LRRK1: variants seen among roughly 807,000 people sequenced by gnomAD.
LRRK1 encodes leucine-rich repeat serine/threonine-protein kinase 1.
LRRK1 carries 113 observed loss-of-function variants against 209.1 expected under a neutral mutation model. That is an observed-to-expected ratio of 0.54 (90% CI 0.46 to 0.63). The LOEUF (loss-of-function observed/expected upper bound fraction) is 0.63, where lower values mean the gene tolerates loss of function less well. Ranked by LOEUF, LRRK1 falls within the 30% of genes least tolerant of loss-of-function variation. LRRK1 has a pLI of 0.00. For missense variants in LRRK1, 2,284 were observed against 2,632.2 expected (o/e 0.87, Z 2.89); for synonymous variants, 1,144 against 1,099.7 (o/e 1.04, Z -0.80).
intron 23 of LRRK1, chr15:101,050,736 C>T: frequency 6.6e-6 from 1 of 152,514 alleles, no homozygotes; most frequent in Non-Finnish European, 1.5e-5. Context: ...GGTCTGGTCT[C>T]TGTCAGGGTT....
intron 2 of LRRK1, among the ~76,000 whole-genome samples, chr15:100,935,592 G>C (rs972423984): frequency 6.6e-6 from 1 of 152,214 alleles, no homozygotes; most frequent in Non-Finnish European, 1.5e-5. Context: ...TATTGCCAGA[G>C]CCCTGGAGAG....
chr15:101,018,699 G>T (rs1233897628), intron 12 of LRRK1, among the ~76,000 whole-genome samples: 1 of 152,220 alleles, frequency 6.6e-6, no homozygotes, highest in African/African-American at 2.4e-5. Flanking sequence ...AAGTACATCT[G>T]GGGAGCCATG....
At chr15:101,015,626 G>C (rs148956827) in intron 12 of LRRK1, among the ~76,000 whole-genome samples, 2 of 152,314 alleles carry the variant, frequency 1.3e-5, no homozygotes, top group Non-Finnish European at 2.9e-5. Flanking sequence ...ACTCTCCTGC[G>C]TGGAGGCCAG....
rs933894320 is a variant in LRRK1 at position 100,919,582 on chromosome 15, G to A, written c.-123+131G>A. On this transcript the variant is annotated intron_variant, in intron 1 of 33. Coordinates refer to ENST00000388948, the MANE Select transcript of LRRK1 (RefSeq NM_024652.6). The surrounding 1 kb of genome is among the most constrained non-coding windows in gnomAD (Gnocchi z 5.8). ...GCCTGCCCGCGGGCCCCTGCGCTCCGGGCGGCCGCGTGGTCGGGCACGGGG... is the reference window on the plus strand; with the variant it reads ...GCCTGCCCGCGGGCCCCTGCGCTCCAGGCGGCCGCGTGGTCGGGCACGGGG... The A allele has an allele frequency of 1.7e-4, 25 of 148,454 alleles. 1 individual carries two copies. The highest frequency in any genetic ancestry group is 6.7e-4 in the Admixed American group (10 of 14,948). The allele number at this position is 148,454 out of a possible 1,614,324, so 9.2% of individuals were successfully genotyped here.
At chr15:101,003,136 G>A (rs545519057) in intron 6 of LRRK1, among the ~76,000 whole-genome samples, 2 of 152,342 alleles carry the variant, frequency 1.3e-5, no homozygotes, top group East Asian at 3.9e-4. Context: ...AATAACTTTT[G>A]TAAATCAGTT....
intron 2 of LRRK1, among the ~76,000 whole-genome samples, chr15:100,938,518 G>A (rs1308200499): frequency 1.3e-5 from 2 of 151,974 alleles, no homozygotes; most frequent in African/African-American, 4.8e-5. Flanking sequence ...GTGCTCTGGT[G>A]CACTGGAACT....
rs1305366195 is a variant in LRRK1, at chr15:101,051,871, G to A, written c.3600G>A (p.Arg1200=). 6.2e-7 allele frequency: 1 copy of A among 1,614,106 alleles called. No individual in the cohort carries two copies. Among genetic ancestry groups the A allele is most frequent in the South Asian group, 1.1e-5 (1 of 91,090 alleles). Residue 1200 remains arginine, a synonymous_variant, in exon 24 of 34, where the codon CGG becomes CGA. Coordinates refer to ENST00000388948, the MANE Select transcript of LRRK1 (RefSeq NM_024652.6). ...ACTGTGTCCTGACGGCCATCGAGCG[G>A]GACTTCATCTCCTGCCCCAGACACC... ...MEDCVLTAIE[R]DFISCPRHPD...
At chr15:100,933,011 C>T (rs943843517) in intron 2 of LRRK1, among the ~76,000 whole-genome samples, 6 of 152,156 alleles carry the variant, frequency 3.9e-5, no homozygotes, top group South Asian at 2.1e-4. Context: ...ATCGGCCTCC[C>T]GCCTCCCACC....
chr15:101,058,622 G>GGGGT (rs1953802572), intron 29 of LRRK1, among the ~76,000 whole-genome samples: 1 of 96,874 alleles, frequency 1.0e-5, no homozygotes, highest in Non-Finnish European at 2.7e-5. Context: ...GGCAACGGGG[G>GGGGT]GGGGCGTCTA....
At chr15:101,036,335 A>T in intron 20 of LRRK1, among the ~76,000 whole-genome samples, 1 of 151,814 alleles carries the variant, frequency 6.6e-6, no homozygotes, top group Admixed American at 6.5e-5. Flanking sequence ...TTTTCATAAG[A>T]CTTGTCTTCA....
chr15:100,947,400 T>C (rs2042563325), intron 2 of LRRK1, among the ~76,000 whole-genome samples: 2 of 152,244 alleles, frequency 1.3e-5, no homozygotes, highest in South Asian at 2.1e-4. Context: ...TTATGAGATA[T>C]CTTATTCTGT....
In LRRK1 at chr15:101,022,275, TC is replaced by T; in HGVS notation, c.1853-104del. On this transcript the variant is annotated intron_variant, in intron 14 of 33. Transcript: ENST00000388948. The surrounding 1 kb of genome is among the most constrained non-coding windows in gnomAD (Gnocchi z 4.0). ...CTGATCCAGTAGTCTTCCTTAACTGTCCCCACTAAAACACAAAGAAGGAGTT... is the reference window on the plus strand; with the variant it reads ...CTGATCCAGTAGTCTTCCTTAACTGTCCCACTAAAACACAAAGAAGGAGTT... 2 of 1,085,972 alleles carry T rather than the reference TC, an allele frequency of 1.8e-6. No homozygotes were observed. The highest frequency in any genetic ancestry group is 1.4e-6 in the Non-Finnish European group (1 of 721,802). The allele number at this position is 1,085,972 out of a possible 1,614,324, so 67.3% of individuals were successfully genotyped here.
At chr15:100,949,081 A>G (rs1239479015) in intron 2 of LRRK1, among the ~76,000 whole-genome samples, 1 of 152,190 alleles carries the variant, frequency 6.6e-6, no homozygotes, top group African/African-American at 2.4e-5. Flanking sequence ...AGTGAAATCA[A>G]AAGTTAGTTC....
chr15:101,062,043 G>A (rs564955363), intron 30 of LRRK1, among the ~76,000 whole-genome samples: 12 of 152,318 alleles, frequency 7.9e-5, no homozygotes, highest in South Asian at 4.1e-4. Context: ...CAGATTAGCC[G>A]AAGTAGGTGC....
At position 101,014,678 on chromosome 15, in the gene LRRK1, T is replaced by G. The variant is rs936112; in HGVS notation, c.1532+250T>G. Among the ~76,000 whole-genome samples the G allele has an allele frequency of 0.99, 151,011 of 152,322 alleles. 74,870 individuals are homozygous for G. Among genetic ancestry groups the G allele is most frequent in the Middle Eastern group, 1 (294 of 294 alleles). ...GATGCCGTCTTCTCCCTGTGTCCTG[T>G]TGCGGTCAGGCCTCTGTTCACGTCT... On this transcript the variant is annotated intron_variant, in intron 11 of 33. Coordinates refer to ENST00000388948, the MANE Select transcript of LRRK1 (RefSeq NM_024652.6).
chr15:101,052,005 G>A, intron 24 of LRRK1, 45 bp downstream of exon 24: 1 of 1,588,670 alleles, frequency 6.3e-7, no homozygotes, highest in Non-Finnish European at 8.6e-7. Context: ...AGGTCACAGG[G>A]GGCGTTCCTC....
rs763417231 is a variant in LRRK1, at chr15:101,068,657, C to G, written c.5871-14C>G. 20 of 1,564,844 alleles carry G rather than the reference C, an allele frequency of 1.3e-5. No homozygotes were observed. Among genetic ancestry groups the G allele is most frequent in the Non-Finnish European group, 1.6e-5 (19 of 1,152,194 alleles). ...AACCCCTGTGAGTTTCCTCAGACCC[C>G]CTTCTCTCTGCAGGGTGCTGGTGGA... is the stretch of plus-strand genomic sequence containing the variant. On this transcript the variant is annotated splice_polypyrimidine_tract_variant and intron_variant, in intron 33 of 33. Coordinates refer to ENST00000388948, the MANE Select transcript of LRRK1 (RefSeq NM_024652.6).
At chr15:100,963,121 C>A (rs923553621) in intron 2 of LRRK1, among the ~76,000 whole-genome samples, 4 of 151,826 alleles carry the variant, frequency 2.6e-5, no homozygotes, top group African/African-American at 9.7e-5. Context: ...CCACGCCCAG[C>A]CCATTTTGCG....
At position 101,078,036 on chromosome 15, in the gene LRRK1, A is replaced by C. The variant is rs1409678289; in HGVS notation, c.*9188A>C. The stretch of plus-strand genomic sequence containing the variant: ...TTAAGTGATGACATTACCTTGTGAA[A>C]GTCCTTTTCCTGGCTCATCCTGGCT... On this transcript the variant is annotated 3_prime_UTR_variant, in exon 34 of 34. Coordinates refer to ENST00000388948, the MANE Select transcript of LRRK1 (RefSeq NM_024652.6). 2 of 156,130 alleles carry C rather than the reference A, an allele frequency of 1.3e-5. No individual in the cohort carries two copies. Among genetic ancestry groups the C allele is most frequent in the African/African-American group, 2.4e-5 (1 of 41,508 alleles). 9.7% of individuals were successfully genotyped at this position (156,130 alleles called of 1,614,324 possible).
Sources: allele counts gnomAD v4.1 joint callset (sites outside exome capture counted in the v4.1 genomes callset), GRCh38; gene constraint gnomAD v4.1.1; non-coding constraint Gnocchi (gnomAD v3.1); transcripts MANE v1.5; gene names NCBI Gene and HGNC (gene_info 2026-07-23, HGNC 2026-07-21).